Variants in CFAP410 observed in about 807,000 individuals in gnomAD.
CFAP410 encodes the protein cilia and flagella associated protein 410.
CFAP410 carries 27 observed loss-of-function variants against 25.7 expected under a neutral mutation model. The ratio of observed to expected loss-of-function variants is 1.05; its 90% CI spans 0.77 to 1.45. The LOEUF is 1.45. CFAP410 is among the 40% of genes most tolerant of loss of function. The pLI is 0.00. For missense variants in CFAP410, 428 were observed against 354.1 expected, an observed-to-expected ratio of 1.21 and a Z score of -1.67; for synonymous variants, 178 against 158.4, an observed-to-expected ratio of 1.12 and a Z score of -0.93.
intron 4 of CFAP410, 162 bp from the exon 5 acceptor site, chr21:44,332,176 C>T: frequency 1.7e-6 from 1 of 577,864 alleles, no homozygotes. Flanking sequence ...GCAGCCGGTT[C>T]CTCACTGTCC....
intron 6 of CFAP410, chr21:44,330,580 CCAGGACAG>C (rs1300753595): frequency 1.9e-6 from 3 of 1,549,816 alleles, no homozygotes; most frequent in Non-Finnish European, 2.6e-6. Flanking sequence ...ATTCCACAGA[CCAGGACAG>C]CAGGAGAGGC....
intron 3 of CFAP410, chr21:44,334,719 A>T (rs1029268336): frequency 4.3e-6 from 1 of 234,696 alleles, no homozygotes; most frequent in Non-Finnish European, 8.6e-6. Context: ...CTGAGATTTG[A>T]CCCATGAGCA....
At chr21:44,338,032 A>T (rs1041269796) in intron 1 of CFAP410, among the ~76,000 whole-genome samples, 1 of 152,218 alleles carries the variant, frequency 6.6e-6, no homozygotes, top group African/African-American at 2.4e-5. Context: ...TCAAGTTCAA[A>T]GGGTGAACAG....
At chr21:44,335,856 C>G (rs748929175) in intron 2 of CFAP410, 52 bp from the exon 3 acceptor site, 1 of 1,372,352 alleles carries the variant, frequency 7.3e-7, no homozygotes, top group Non-Finnish European at 1.0e-6. Flanking sequence ...GGCATCGCGG[C>G]CGCACTGCCA....
In CFAP410 at chr21:44,338,459, C is replaced by A. The variant is rs181692122; in HGVS notation, c.77+659G>T. ...ACCTGCCTTTCAGCCTGCCTGGGTCCCACCGCACCCACGTCCCTTCCTGTC... is the reference window on the plus strand; with the variant it reads ...ACCTGCCTTTCAGCCTGCCTGGGTCACACCGCACCCACGTCCCTTCCTGTC... On this transcript the variant is annotated intron_variant, in intron 1 of 6. Coordinates refer to ENST00000339818, the MANE Select transcript of CFAP410 (RefSeq NM_004928.3). 2.0e-3 allele frequency: 890 copies of A among 445,700 alleles called. 6 individuals carry two copies. The highest frequency in any genetic ancestry group is 0.016 in the African/African-American group (781 of 49,322). 27.6% of individuals were successfully genotyped at this position (445,700 alleles called of 1,614,324 possible). A position where few individuals can be genotyped will look rare whatever the true frequency, so the allele number is the denominator to read the frequency against.
intron 3 of CFAP410, 104 bp downstream of exon 3, chr21:44,335,654 G>A: frequency 1.1e-6 from 1 of 893,380 alleles, no homozygotes; most frequent in South Asian, 1.5e-5. Flanking sequence ...GTCTGTGTTG[G>A]AGGTTTCCAG....
rs2047740781 is a variant in CFAP410, at chr21:44,335,810, A to G, written c.97-6T>C. On this transcript the variant is annotated splice_region_variant and splice_polypyrimidine_tract_variant and intron_variant, in intron 2 of 6. Transcript: ENST00000339818. ...ATCTCCTGGCAAATGGAGATCTAGG[A>G]GGAAAAGAACATGACTAGCAAGCAT... 3 of 1,585,696 alleles carry G rather than the reference A, an allele frequency of 1.9e-6. No homozygotes were observed. The highest frequency in any genetic ancestry group is 1.7e-6 in the Non-Finnish European group (2 of 1,164,442).
rs930935391 is a variant in CFAP410 at position 44,334,582 on chromosome 21, G to A, written c.143+1176C>T. ...GCACCCCTGCTCAACCTCTGGACTCGGGCTCCATCTCCTCCTCATCTCCCT... is the reference window on the plus strand; with the variant it reads ...GCACCCCTGCTCAACCTCTGGACTCAGGCTCCATCTCCTCCTCATCTCCCT... On this transcript the variant is annotated intron_variant, in intron 3 of 6. Coordinates refer to ENST00000339818, the MANE Select transcript of CFAP410 (RefSeq NM_004928.3). 13 of 231,742 alleles carry A rather than the reference G, an allele frequency of 5.6e-5. No homozygotes were observed. In the East Asian group the frequency reaches 1.6e-3, roughly 28 times the overall value. The allele number at this position is 231,742 out of a possible 1,614,324, so 14.4% of individuals were successfully genotyped here.
intron 3 of CFAP410, chr21:44,334,327 G>A (rs2047707897): frequency 2.2e-6 from 1 of 452,636 alleles, no homozygotes; most frequent in Non-Finnish European, 4.4e-6. Context: ...GAGCGGCAGG[G>A]ATAGGGCTGG....
At chr21:44,333,667 C>T in intron 3 of CFAP410, 1 of 303,412 alleles carries the variant, frequency 3.3e-6, no homozygotes, top group South Asian at 4.2e-5. Context: ...GGAGCCAGCT[C>T]CACGTGACAT....
chr21:44,337,765 C>A, intron 1 of CFAP410, 98 bp from the exon 2 acceptor site: 2 of 968,232 alleles, frequency 2.1e-6, no homozygotes, highest in Non-Finnish European at 3.2e-6. Context: ...CCCTACAAAC[C>A]TTAAGATTCT....
chr21:44,332,599 C>T (rs554105334), intron 4 of CFAP410: 44 of 177,064 alleles, frequency 2.5e-4, no homozygotes, highest in African/African-American at 8.7e-4. Context: ...ACGGCAGGGG[C>T]GCGATGGCAC....
At chr21:44,334,166 C>G (rs975611689) in intron 3 of CFAP410, 1 of 456,350 alleles carries the variant, frequency 2.2e-6, no homozygotes, top group African/African-American at 2.0e-5. Flanking sequence ...AGGCTTCCTG[C>G]TCCGCTCCAG....
At chr21:44,330,705 A>AG in intron 6 of CFAP410, 118 bp downstream of exon 6, 1 of 1,549,260 alleles carries the variant, frequency 6.5e-7, no homozygotes, top group Non-Finnish European at 8.7e-7. Flanking sequence ...AGGCCCTGTG[A>AG]GGCTCCATGC....
intron 2 of CFAP410, 92 bp downstream of exon 2, chr21:44,337,557 A>T: frequency 1.6e-6 from 2 of 1,222,074 alleles, no homozygotes; most frequent in Non-Finnish European, 2.4e-6. Flanking sequence ...TTGTCAACTT[A>T]AAAATTCTCT....
At position 44,339,227 on chromosome 21, in the gene CFAP410, C is replaced by G; in HGVS notation, c.-33G>C. The G allele has an allele frequency of 7.2e-7, 1 of 1,380,438 alleles. No individual in the cohort carries two copies. Among genetic ancestry groups the G allele is most frequent in the Non-Finnish European group, 9.5e-7 (1 of 1,051,898 alleles). The allele number at this position is 1,380,438 out of a possible 1,614,324, so 85.5% of individuals were successfully genotyped here. A position where few individuals can be genotyped will look rare whatever the true frequency, so the allele number is the denominator to read the frequency against. On this transcript the variant is annotated 5_prime_UTR_variant, in exon 1 of 7. Transcript: ENST00000339818. ...GCCCAGGCCCGACCGGCGGGCGCCC[C>G]CGGCCTCCTGATCCCGGGCGGGTGA...
In CFAP410 at chr21:44,330,180, G is replaced by A. The variant is rs773942752; in HGVS notation, c.*18C>T. On this transcript the variant is annotated 3_prime_UTR_variant, in exon 7 of 7. Transcript: ENST00000339818. ...CTGGGGTCCCCGTGGAGGCTGGAGC[G>A]GCGTTCAGGTCCTGCGGTCACTCGG... 85 of 1,549,932 alleles carry A rather than the reference G, an allele frequency of 5.5e-5. No individual in the cohort carries two copies. The highest frequency in any genetic ancestry group is 4.8e-4 in the South Asian group (41 of 84,922).
At chr21:44,338,198 A>C in intron 1 of CFAP410, 2 of 1,044,128 alleles carry the variant, frequency 1.9e-6, no homozygotes, top group Non-Finnish European at 2.5e-6. Context: ...GCCAGGGCAG[A>C]GAGAAAAGCT....
At position 44,331,913 on chromosome 21, in the gene CFAP410, A is replaced by G. The variant is rs781762035; in HGVS notation, c.475T>C (p.Cys159Arg). Residue 159 changes from cysteine to arginine, a missense_variant, in exon 5 of 7, where the codon TGC (cysteine) becomes CGC (arginine). Cys to Arg is a radical substitution (Grantham distance 180). Transcript: ENST00000339818. ...GTGHGGPKLC[C>R]TLSSLSSAAE... Reference sequence around the variant, plus strand: ...GCGGAGCTGAGGGAGCTCAGTGTGCAGCATAGCTTGGGGCCGCCGTGGCCT... The same window carrying G: ...GCGGAGCTGAGGGAGCTCAGTGTGCGGCATAGCTTGGGGCCGCCGTGGCCT... 6.2e-7 allele frequency: 1 copy of G among 1,613,422 alleles called. No homozygotes were observed. The highest frequency in any genetic ancestry group is 1.1e-5 in the South Asian group (1 of 91,010).
Sources: allele counts gnomAD v4.1 joint callset (sites outside exome capture counted in the v4.1 genomes callset), GRCh38; gene constraint gnomAD v4.1.1; transcripts MANE v1.5; gene names NCBI Gene and HGNC (gene_info 2026-07-23, HGNC 2026-07-21).